SNAPC4: variants seen among roughly 807,000 people sequenced by gnomAD.
The protein encoded by SNAPC4 is snRNA-activating protein complex subunit 4.
A neutral mutation model predicts 151.3 loss-of-function variants in SNAPC4; 127 were observed. The observed-to-expected ratio is 0.84, with a 90% CI of 0.73 to 0.97. The LOEUF is 0.97. Ranked by LOEUF, SNAPC4 falls within the 50% of genes least tolerant of loss-of-function variation. SNAPC4 has a pLI of 0.00. For synonymous variants in SNAPC4, 1,002 were observed against 824.4 expected (o/e 1.22, Z -3.69); for missense variants, 2,186 against 1,935.0 (o/e 1.13, Z -2.43).
chr9:136,386,033 G>A (rs142591722), intron 13 of SNAPC4, among the ~76,000 whole-genome samples: 5 of 152,184 alleles, frequency 3.3e-5, no homozygotes, highest in Non-Finnish European at 7.4e-5. Flanking sequence ...TCAATCTTGG[G>A]GGTATAATTC....
chr9:136,376,805 C>A (rs1468749361), intron 22 of SNAPC4, among the ~76,000 whole-genome samples: 1 of 152,202 alleles, frequency 6.6e-6, no homozygotes, highest in African/African-American at 2.4e-5. Flanking sequence ...CCGGGGTCCT[C>A]CCCAACTCTT....
At chr9:136,397,710 G>A (rs1234683662) in intron 2 of SNAPC4, among the ~76,000 whole-genome samples, 2 of 126,228 alleles carry the variant, frequency 1.6e-5, no homozygotes, top group Admixed American at 7.7e-5. Context: ...CGTGGGGTGG[G>A]GAGCACGTGG....
chr9:136,378,825 G>A lies in SNAPC4; in HGVS notation c.3002C>T (p.Pro1001Leu), dbSNP rs1399912029. 3.1e-6 allele frequency: 5 copies of A among 1,598,542 alleles called. No individual in the cohort carries two copies. The highest frequency in any genetic ancestry group is 3.4e-5 in the Admixed American group (2 of 58,720). The change falls in exon 22 of 24, where the codon CCT becomes CTT. Residue 1001 changes from proline to leucine, a missense_variant. Pro to Leu is a moderately conservative substitution (Grantham distance 98). Coordinates refer to ENST00000684778, the MANE Select transcript of SNAPC4 (RefSeq NM_003086.4). ...CAGGGCAGGGGCTTGGGAAGCAGCA[G>A]GGGCTGTGCCCTCGGCCTCTGAGAA... ...PVFSEAEGTA[P>L]AASQAPALGP... is the part of the protein sequence containing the mutation.
chr9:136,383,101 G>A lies in SNAPC4; in HGVS notation c.1983+85C>T. 1 of 1,474,982 alleles carries A rather than the reference G, an allele frequency of 6.8e-7. No homozygotes were observed. Among genetic ancestry groups the A allele is most frequent in the Non-Finnish European group, 9.0e-7 (1 of 1,116,906 alleles). 91.4% of individuals were successfully genotyped at this position (1,474,982 alleles called of 1,614,324 possible). A position where few individuals can be genotyped will look rare whatever the true frequency, so the allele number is the denominator to read the frequency against. ...GATGCACACGAACCCTGGGGCCCCT[G>A]CTGCTGCACTATCCCCAAGCGTCAG... On this transcript the variant is annotated intron_variant, in intron 16 of 23. Transcript: ENST00000684778. The surrounding 1 kb of genome is among the most constrained non-coding windows in gnomAD (Gnocchi z 4.2).
Position 136,394,227 on chromosome 9 carries a change from TGACTTATGGTTTTA to T in SNAPC4, c.632+8_632+21del. The T allele has an allele frequency of 6.3e-7, 1 of 1,593,596 alleles. No individual in the cohort carries two copies. Among genetic ancestry groups the T allele is most frequent in the Non-Finnish European group, 8.6e-7 (1 of 1,163,534 alleles). On this transcript the variant is annotated splice_region_variant and intron_variant, in intron 7 of 23. Coordinates refer to ENST00000684778, the MANE Select transcript of SNAPC4 (RefSeq NM_003086.4). ...CTATGCCCAGCCTGAAGACCGTTTTTGACTTATGGTTTTAGACTTACTTCAGTAACTTGGGCTGA... is the reference window on the plus strand; with the variant it reads ...CTATGCCCAGCCTGAAGACCGTTTTTGACTTACTTCAGTAACTTGGGCTGA...
At chr9:136,384,623 T>C (rs1007118087) in intron 14 of SNAPC4, 97 bp downstream of exon 14, 2 of 646,444 alleles carry the variant, frequency 3.1e-6, no homozygotes, top group South Asian at 2.2e-5. Context: ...CACCCCAGCC[T>C]GGACGACAGA....
chr9:136,394,302 T>G lies in SNAPC4; in HGVS notation c.579A>C (p.Arg193=). Residue 193 remains arginine (R), a synonymous_variant, in exon 7 of 24, where the codon CGA becomes CGC. Coordinates refer to ENST00000684778, the MANE Select transcript of SNAPC4 (RefSeq NM_003086.4). The stretch of plus-strand genomic sequence containing the variant: ...GCAGGCGGTCACTCACCACTGACTT[T>G]CGGAGCAAGGCCTTTTCCCAGTTTT... ...KWKNWEKALL[R]KSVVSDRLQR... is the part of the protein sequence containing the mutation. 2.5e-6 allele frequency: 4 copies of G among 1,613,956 alleles called. No homozygotes were observed. Among genetic ancestry groups the G allele is most frequent in the Non-Finnish European group, 3.4e-6 (4 of 1,179,980 alleles).
rs1249617248 is a variant in SNAPC4 at position 136,388,556 on chromosome 9, G to A, written c.1011C>T (p.Phe337=). 1 of 1,613,978 alleles carries A rather than the reference G, an allele frequency of 6.2e-7. No homozygotes were observed. The highest frequency in any genetic ancestry group is 8.5e-7 in the Non-Finnish European group (1 of 1,180,040). The change falls in exon 11 of 24, where the codon TTC becomes TTT. Residue 337 remains phenylalanine (F), a synonymous_variant. Coordinates refer to ENST00000684778, the MANE Select transcript of SNAPC4 (RefSeq NM_003086.4). ...GTTTCAGAGCTTTGTTGTGCTGCTG[G>A]AATTTCTGCAGGCACTGGAAGGCGC... The part of the protein sequence containing the change: ...SRSAFQCLQK[F]QQHNKALKRK...
At chr9:136,397,611 A>AGGGGAGCACGTGGGGT (rs1834318331) in intron 2 of SNAPC4, among the ~76,000 whole-genome samples, 3 of 83,744 alleles carry the variant, frequency 3.6e-5, no homozygotes, top group Non-Finnish European at 7.0e-5. Context: ...GCACATGGGG[A>AGGGGAGCACGTGGGGT]GGGGAGCACG....
Position 136,382,317 on chromosome 9 carries a change from G to A in SNAPC4, c.2003C>T (p.Thr668Ile). Residue 668 changes from threonine (T) to isoleucine (I), a missense_variant, in exon 17 of 24, where the codon ACA becomes ATA. By Grantham distance (89) the Thr-to-Ile change is moderately conservative (BLOSUM62 -1). Coordinates refer to ENST00000684778, the MANE Select transcript of SNAPC4 (RefSeq NM_003086.4). ...QALEGGRRLL[T>I]VPVETVLRVL... Reference sequence around the variant, plus strand: ...CCTCAGCACGGTCTCCACAGGCACTGTCAGCAGACGCCTCCCACCCTGATG... The same window carrying A: ...CCTCAGCACGGTCTCCACAGGCACTATCAGCAGACGCCTCCCACCCTGATG... 3 of 1,613,126 alleles carry A rather than the reference G, an allele frequency of 1.9e-6. No homozygotes were observed. Among genetic ancestry groups the A allele is most frequent in the Non-Finnish European group, 2.5e-6 (3 of 1,179,954 alleles).
Position 136,383,898 on chromosome 9 carries a change from C to T in SNAPC4, c.1500+55G>A. The T allele has an allele frequency of 6.6e-7, 1 of 1,520,696 alleles. No individual in the cohort carries two copies. The highest frequency in any genetic ancestry group is 1.1e-5 in the South Asian group (1 of 89,018). 94.2% of individuals were successfully genotyped at this position (1,520,696 alleles called of 1,614,324 possible). A position where few individuals can be genotyped will look rare whatever the true frequency, so the allele number is the denominator to read the frequency against. On this transcript the variant is annotated intron_variant, in intron 15 of 23. Transcript: ENST00000684778. The surrounding 1 kb of genome is among the most constrained non-coding windows in gnomAD (Gnocchi z 4.2). ...TCCCCTCCTCCTGCCTGCTGGACCC[C>T]CCAGTTGACCAGGCCATTGTCTGGT... is the stretch of plus-strand genomic sequence containing the variant.
At chr9:136,388,291 T>G (rs746924713) in intron 11 of SNAPC4, among the ~76,000 whole-genome samples, 153 bp downstream of exon 11, 1 of 145,976 alleles carries the variant, frequency 6.9e-6, no homozygotes, top group African/African-American at 2.5e-5. Context: ...AAAAAGTCAC[T>G]TGAGTCACCA....
At chr9:136,385,665 C>T in intron 13 of SNAPC4, among the ~76,000 whole-genome samples, 1 of 151,846 alleles carries the variant, frequency 6.6e-6, no homozygotes, top group East Asian at 1.9e-4. Context: ...AAGTGATTCT[C>T]CTGCCTCAGC....
Position 136,376,424 on chromosome 9 carries a change from G to A in SNAPC4, c.4342C>T (p.Pro1448Ser), listed in dbSNP as rs3812561. 0.035 allele frequency: 56,195 copies of A among 1,613,488 alleles called. 1,223 individuals carry two copies. The highest frequency in any genetic ancestry group is 0.1 in the East Asian group (4,586 of 44,880). ...ASSCLDTSND[P>S]DDLDVLRTRH... Reference sequence around the variant, plus strand: ...GTTCTGAGCACGTCCAGGTCGTCAGGGTCATTAGAAGTATCCAGGCAGGAG... The same window carrying A: ...GTTCTGAGCACGTCCAGGTCGTCAGAGTCATTAGAAGTATCCAGGCAGGAG... The change falls in exon 23 of 24, where the codon CCT becomes TCT. Residue 1448 changes from proline (P) to serine (S), a missense_variant. Coordinates refer to ENST00000684778, the MANE Select transcript of SNAPC4 (RefSeq NM_003086.4).
chr9:136,399,460 T>C (rs11145891), intron 1 of SNAPC4, among the ~76,000 whole-genome samples: 34,874 of 152,086 alleles, frequency 0.23, 4,199 homozygotes, highest in Admixed American at 0.28. Flanking sequence ...GCGGAGACGC[T>C]TTCCTCTGGA....
intron 9 of SNAPC4, 66 bp downstream of exon 9, chr9:136,392,456 A>T: frequency 6.6e-7 from 1 of 1,517,888 alleles, no homozygotes; most frequent in Non-Finnish European, 9.1e-7. Flanking sequence ...CCCAATTCCA[A>T]CTGCACCCGG....
In SNAPC4 at chr9:136,384,154, G is replaced by A. The variant is rs913027132; in HGVS notation, c.1421-122C>T. On this transcript the variant is annotated intron_variant, in intron 14 of 23. Coordinates refer to ENST00000684778, the MANE Select transcript of SNAPC4 (RefSeq NM_003086.4). Reference sequence around the variant, plus strand: ...AGTGGAGCCTCCTGTGCACTCTCACGCTGGGGGGTCAAGCATGTTGGGTGC... The same window carrying A: ...AGTGGAGCCTCCTGTGCACTCTCACACTGGGGGGTCAAGCATGTTGGGTGC... 191 of 716,766 alleles carry A rather than the reference G, an allele frequency of 2.7e-4. No homozygotes were observed. The African/African-American group carries it at 2.9e-3, about 11-fold the overall frequency. The allele number at this position is 716,766 out of a possible 1,614,324, so 44.4% of individuals were successfully genotyped here.
At chr9:136,399,742 T>C (rs1834389490) in intron 1 of SNAPC4, among the ~76,000 whole-genome samples, 1 of 152,142 alleles carries the variant, frequency 6.6e-6, no homozygotes, top group Non-Finnish European at 1.5e-5. Flanking sequence ...GTTTAGGCAC[T>C]GGCTTGGGAG....
Position 136,394,822 on chromosome 9 carries a change from G to A in SNAPC4, c.528C>T (p.Phe176=), listed in dbSNP as rs763557677. 5.0e-6 allele frequency: 8 copies of A among 1,613,920 alleles called. No homozygotes were observed. In the African/African-American group the frequency reaches 9.3e-5, roughly 19 times the overall value. The part of the protein sequence containing the change: ...REKAAQGIKA[F]EELLVTKWKN... ...TACATTTGGTCACAAGGAGCTCCTC[G>A]AAAGCCTTGATCCCCTGGGCAGCCT... The change falls in exon 6 of 24, where the codon TTC becomes TTT. Residue 176 remains phenylalanine (F), a synonymous_variant. Transcript: ENST00000684778.
Sources: allele counts gnomAD v4.1 joint callset (sites outside exome capture counted in the v4.1 genomes callset), GRCh38; gene constraint gnomAD v4.1.1; non-coding constraint Gnocchi (gnomAD v3.1); transcripts MANE v1.5; gene names NCBI Gene and HGNC (gene_info 2026-07-23, HGNC 2026-07-21).